GPC5: variants seen among roughly 807,000 people sequenced by gnomAD.
The protein encoded by GPC5 is glypican-5.
Under a neutral mutation model 53.9 loss-of-function variants are expected in GPC5, and 47 were observed. The ratio of observed to expected loss-of-function variants is 0.87; its 90% confidence interval spans 0.69 to 1.11. The LOEUF (loss-of-function observed/expected upper bound fraction) is 1.11. Among genes scored for constraint, GPC5 ranks in the 50% most tolerant of loss-of-function variants. The probability of loss-of-function intolerance (pLI) is 0.00; values close to 1 mark genes in which losing one functional copy is unlikely to be tolerated. For missense variants in GPC5, 748 were observed against 713.1 expected, an observed-to-expected ratio of 1.05 and a Z score of -0.56; for synonymous variants, 286 against 263.3, an observed-to-expected ratio of 1.09 and a Z score of -0.84.
chr13:92,486,725 A>G (rs574489545), intron 7 of GPC5, among the ~76,000 whole-genome samples: 9 of 152,236 alleles, frequency 5.9e-5, no homozygotes, highest in South Asian at 2.1e-4. Context: ...AAAAAAATAG[A>G]CACGTGGCTT....
intron 7 of GPC5, among the ~76,000 whole-genome samples, chr13:92,745,495 T>C (rs933881230): frequency 6.6e-6 from 1 of 152,110 alleles, no homozygotes; most frequent in Non-Finnish European, 1.5e-5. Flanking sequence ...GACTCCCATG[T>C]TTTATAGATA....
At chr13:92,239,015 A>G (rs1350727586) in intron 7 of GPC5, among the ~76,000 whole-genome samples, 1 of 151,188 alleles carries the variant, frequency 6.6e-6, no homozygotes, top group South Asian at 2.1e-4. Flanking sequence ...TTTTTCATGG[A>G]ATTATCTTAG....
intron 7 of GPC5, among the ~76,000 whole-genome samples, chr13:92,617,558 C>G (rs1372354350): frequency 6.6e-6 from 1 of 152,090 alleles, no homozygotes; most frequent in Non-Finnish European, 1.5e-5. Context: ...TCTTAACTGC[C>G]ACTCTATTCC....
At chr13:92,537,314 A>T (rs778614265) in intron 7 of GPC5, among the ~76,000 whole-genome samples, 2 of 152,284 alleles carry the variant, frequency 1.3e-5, no homozygotes, top group South Asian at 2.1e-4. Flanking sequence ...CCTAAGAACA[A>T]CTTTTTATCT....
intron 7 of GPC5, among the ~76,000 whole-genome samples, chr13:92,780,588 A>G (rs1158975316): frequency 6.6e-6 from 1 of 152,028 alleles, no homozygotes; most frequent in Non-Finnish European, 1.5e-5. Context: ...TTTTCTAATA[A>G]TATGGTCATA....
intron 7 of GPC5, among the ~76,000 whole-genome samples, chr13:92,268,612 C>T (rs1020236242): frequency 2.3e-4 from 35 of 151,422 alleles, no homozygotes; most frequent in Non-Finnish European, 1.2e-4. Flanking sequence ...TCATAAAAAA[C>T]TTTGTTCATT....
chr13:91,668,036 A>T (rs1433610101), intron 2 of GPC5, among the ~76,000 whole-genome samples: 10 of 152,202 alleles, frequency 6.6e-5, no homozygotes, highest in South Asian at 2.1e-4. Context: ...ATGAGCTATA[A>T]TGGCTGCCAC....
intron 7 of GPC5, among the ~76,000 whole-genome samples, chr13:92,817,673 A>G (rs1177823199): frequency 6.6e-6 from 1 of 151,934 alleles, no homozygotes; most frequent in Admixed American, 6.6e-5. Context: ...CTAAGCCAAC[A>G]TATTTATTTC....
chr13:92,025,563 G>T (rs16946937), intron 6 of GPC5, among the ~76,000 whole-genome samples: 2,861 of 152,238 alleles, frequency 0.019, 104 homozygotes, highest in African/African-American at 0.065. Context: ...CTTGCTGCAG[G>T]TCATGTAGTG....
chr13:92,653,219 G>C (rs1886012878), intron 7 of GPC5, among the ~76,000 whole-genome samples: 1 of 152,150 alleles, frequency 6.6e-6, no homozygotes, highest in Non-Finnish European at 1.5e-5. Flanking sequence ...TCCAACCAAG[G>C]TTCCAAGAAG....
chr13:92,538,999 C>T (rs1217541663), intron 7 of GPC5, among the ~76,000 whole-genome samples: 5 of 110,664 alleles, frequency 4.5e-5, no homozygotes, highest in Admixed American at 2.1e-4. Context: ...TATATATATA[C>T]TTTATATATT....
chr13:92,496,759 C>T (rs1879995795), intron 7 of GPC5, among the ~76,000 whole-genome samples: 1 of 152,128 alleles, frequency 6.6e-6, no homozygotes, highest in Non-Finnish European at 1.5e-5. Flanking sequence ...GAGTTCCCCT[C>T]TCAGTCATTT....
At chr13:91,740,360 G>T (rs574016090) in intron 4 of GPC5, among the ~76,000 whole-genome samples, 12 of 152,116 alleles carry the variant, frequency 7.9e-5, no homozygotes, top group African/African-American at 2.2e-4. Flanking sequence ...TTTCACAGAG[G>T]TCCCTTCTGT....
In GPC5 at chr13:91,519,646, T is replaced by A. The variant is rs538111063; in HGVS notation, c.325+70724T>A. Among the ~76,000 whole-genome samples, 6 of 152,352 alleles carry A rather than the reference T, an allele frequency of 3.9e-5. No homozygotes were observed. In the South Asian group the frequency reaches 8.3e-4, roughly 21 times the overall value. ...AACTATGAGTCAATTAAACTTCTTT[T>A]GTTTATAAATTATCCAGTCTCAGGT... On this transcript the variant is annotated intron_variant, in intron 2 of 7. Coordinates refer to ENST00000377067, the MANE Select transcript of GPC5 (RefSeq NM_004466.6).
At chr13:92,527,110 A>AAGAAAGAAAGAG (rs1881316820) in intron 7 of GPC5, among the ~76,000 whole-genome samples, 1 of 45,888 alleles carries the variant, frequency 2.2e-5, no homozygotes, top group South Asian at 7.1e-4. Flanking sequence ...AGAAAGAAAA[A>AAGAAAGAAAGAG]AGAAAGAAAG....
chr13:91,828,380 TAGGTAGGA>T (rs2038607385), intron 5 of GPC5, among the ~76,000 whole-genome samples: 1 of 134,032 alleles, frequency 7.5e-6, no homozygotes, highest in South Asian at 2.8e-4. Flanking sequence ...GGTAGGTAGG[TAGGTAGGA>T]AGGAAGATAG....
chr13:91,814,779 G>T (rs1002698503), intron 5 of GPC5, among the ~76,000 whole-genome samples: 1 of 152,052 alleles, frequency 6.6e-6, no homozygotes, highest in African/African-American at 2.4e-5. Flanking sequence ...GACTTCAGGT[G>T]ATCCGCCCAC....
At chr13:91,870,700 TA>T (rs1240599408) in intron 5 of GPC5, among the ~76,000 whole-genome samples, 1 of 152,200 alleles carries the variant, frequency 6.6e-6, no homozygotes, top group African/African-American at 2.4e-5. Flanking sequence ...CAGGAAGAAT[TA>T]AAAATTTATG....
At chr13:91,579,288 C>G (rs904324233) in intron 2 of GPC5, among the ~76,000 whole-genome samples, 2 of 152,200 alleles carry the variant, frequency 1.3e-5, no homozygotes, top group African/African-American at 4.8e-5. Context: ...AACATTTGCT[C>G]TTTGAAAACT....
Sources: gnomAD v4.1 joint callset for allele counts (sites outside exome capture counted in the v4.1 genomes callset) on GRCh38, gnomAD v4.1.1 for gene constraint, MANE v1.5 for transcripts, NCBI Gene and HGNC (gene_info 2026-07-23, HGNC 2026-07-21) for gene names.